The following MITF variants were observed in gnomAD, a reference collection of about 807,000 sequenced individuals.
MITF encodes the protein melanocyte inducing transcription factor.
In MITF, 17 loss-of-function variants were observed where a neutral mutation model predicts 60.5. The ratio of observed to expected loss-of-function variants is 0.28; its 90% CI spans 0.19 to 0.42. The LOEUF is 0.42. Among genes scored for constraint, MITF ranks in the 10% least tolerant of loss-of-function variants. MITF has a pLI of 1.00. For synonymous variants in MITF, 260 were observed against 248.5 expected (o/e 1.05, Z -0.43); for missense variants, 622 against 683.5 (o/e 0.91, Z 1.00).
chr3:69,951,679 T>A (rs9682151), intron 6 of MITF, 133 bp from the exon 7 acceptor site: 5 of 692,958 alleles, frequency 7.2e-6, no homozygotes, highest in South Asian at 4.8e-5. Context: ...ATATCATTTT[T>A]AAAAAAACGT....
At chr3:69,930,326 G>A (rs2065690678) in intron 2 of MITF, among the ~76,000 whole-genome samples, 1 of 152,178 alleles carries the variant, frequency 6.6e-6, no homozygotes, top group African/African-American at 2.4e-5. Flanking sequence ...AACTAGCTAA[G>A]GAGAGTGAGA....
Position 69,839,380 on chromosome 3 carries a change from C to CTT in MITF, c.105-39741_105-39740dup, listed in dbSNP as rs5849927. ...ATGAGGAACAAAATCATGTGATTTT[C>CTT]TTTTTTTTTTTTTTAAGTTTAACCT... On this transcript the variant is annotated intron_variant, in intron 1 of 9. Transcript: ENST00000352241. Among the ~76,000 whole-genome samples the CTT allele has an allele frequency of 6.3e-3, 875 of 139,248 alleles. 2 individuals are homozygous for CTT. Among genetic ancestry groups the CTT allele is most frequent in the Non-Finnish European group, 8.6e-3 (557 of 64,442 alleles). The allele number at this position is 139,248 out of a possible 152,430, so 91.4% of individuals were successfully genotyped here. A position where few individuals can be genotyped will look rare whatever the true frequency, so the allele number is the denominator to read the frequency against.
intron 1 of MITF, among the ~76,000 whole-genome samples, chr3:69,856,237 C>T (rs1398952326): frequency 6.6e-6 from 1 of 152,160 alleles, no homozygotes; most frequent in Non-Finnish European, 1.5e-5. Context: ...TAGCTATTCT[C>T]ATGCTAACTT....
chr3:69,838,001 G>GC (rs1460496627), intron 1 of MITF, among the ~76,000 whole-genome samples: 1 of 152,138 alleles, frequency 6.6e-6, no homozygotes, highest in Non-Finnish European at 1.5e-5. Context: ...CAAATTGCCA[G>GC]CAGTGATTAT....
intron 1 of MITF, among the ~76,000 whole-genome samples, chr3:69,845,589 G>C (rs1419345409): frequency 6.6e-6 from 1 of 151,928 alleles, no homozygotes; most frequent in East Asian, 1.9e-4. Context: ...CATACAATTT[G>C]GGATTTCCAT....
At chr3:69,949,739 G>A (rs570655484) in intron 6 of MITF, among the ~76,000 whole-genome samples, 43 of 152,300 alleles carry the variant, frequency 2.8e-4, no homozygotes, top group African/African-American at 8.9e-4. Flanking sequence ...AGGCAAGTGT[G>A]AAATTACTTA....
At chr3:69,887,499 A>G (rs2064648754) in intron 2 of MITF, among the ~76,000 whole-genome samples, 1 of 152,052 alleles carries the variant, frequency 6.6e-6, no homozygotes, top group Non-Finnish European at 1.5e-5. Flanking sequence ...ACTTAAAAAA[A>G]CATTTAGCTC....
intron 1 of MITF, among the ~76,000 whole-genome samples, chr3:69,807,183 T>C (rs923387349): frequency 1.3e-5 from 2 of 152,220 alleles, no homozygotes; most frequent in Admixed American, 6.5e-5. Context: ...GGTGGTCTTA[T>C]TGCCTGACTT....
intron 2 of MITF, among the ~76,000 whole-genome samples, chr3:69,912,030 G>C (rs779757328): frequency 1.3e-5 from 2 of 152,202 alleles, no homozygotes; most frequent in Non-Finnish European, 2.9e-5. Flanking sequence ...TAAGGGAGTA[G>C]ATTACATGGC....
At chr3:69,938,635 A>G (rs530114253) in intron 3 of MITF, 4 of 1,339,940 alleles carry the variant, frequency 3.0e-6, no homozygotes, top group Admixed American at 3.6e-5. Context: ...TGCTTTGGTG[A>G]AGGCTGGATT....
chr3:69,761,974 T>G (rs1400401999), intron 1 of MITF, among the ~76,000 whole-genome samples: 1 of 152,222 alleles, frequency 6.6e-6, no homozygotes, highest in Non-Finnish European at 1.5e-5. Context: ...CCCTCTCTCT[T>G]TTTTCTGCTA....
intron 1 of MITF, among the ~76,000 whole-genome samples, chr3:69,817,803 G>A (rs1432451609): frequency 1.3e-5 from 2 of 152,054 alleles, no homozygotes; most frequent in African/African-American, 4.8e-5. Context: ...GTACAAGTTG[G>A]TAATGGAATT....
At chr3:69,947,651 T>C (rs1314556234) in intron 5 of MITF, among the ~76,000 whole-genome samples, 1 of 152,176 alleles carries the variant, frequency 6.6e-6, no homozygotes, top group African/African-American at 2.4e-5. Flanking sequence ...CTATAAACGC[T>C]GCTTTCAAAA....
chr3:69,830,650 G>C (rs1482855963), intron 1 of MITF, among the ~76,000 whole-genome samples: 1 of 152,166 alleles, frequency 6.6e-6, no homozygotes. Flanking sequence ...GCTCACTGCT[G>C]TATCCCCCAC....
intron 1 of MITF, among the ~76,000 whole-genome samples, chr3:69,818,438 T>G (rs570475501): frequency 3.3e-5 from 5 of 152,338 alleles, no homozygotes; most frequent in African/African-American, 4.8e-5. Flanking sequence ...CAGTCAAATC[T>G]TAGCTTCAGT....
intron 2 of MITF, among the ~76,000 whole-genome samples, chr3:69,918,474 A>G (rs1235413784): frequency 6.6e-6 from 1 of 152,172 alleles, no homozygotes; most frequent in Non-Finnish European, 1.5e-5. Flanking sequence ...TGTGACAACA[A>G]TTTTGGGACT....
chr3:69,952,008 G>A (rs2107519867), intron 7 of MITF, 122 bp downstream of exon 7: 2 of 751,752 alleles, frequency 2.7e-6, no homozygotes, highest in East Asian at 2.7e-5. Context: ...CTCTCTTATG[G>A]AAGAAAATTG....
chr3:69,808,402 A>G (rs895937364), intron 1 of MITF, among the ~76,000 whole-genome samples: 27 of 152,160 alleles, frequency 1.8e-4, no homozygotes, highest in African/African-American at 6.3e-4. Context: ...TAATTAAAGC[A>G]TACATATTCT....
intron 2 of MITF, among the ~76,000 whole-genome samples, chr3:69,881,896 C>A (rs1410288725): frequency 6.6e-6 from 1 of 152,072 alleles, no homozygotes; most frequent in African/African-American, 2.4e-5. Flanking sequence ...TAAAACAGAA[C>A]ATGCCTGCTT....
Sources: gnomAD v4.1 joint callset for allele counts (sites outside exome capture counted in the v4.1 genomes callset) on GRCh38, gnomAD v4.1.1 for gene constraint, MANE v1.5 for transcripts, NCBI Gene and HGNC (gene_info 2026-07-23, HGNC 2026-07-21) for gene names.